The following PLCB3 variants were observed in gnomAD, a reference collection of about 807,000 sequenced individuals.
PLCB3 encodes 1-phosphatidylinositol 4,5-bisphosphate phosphodiesterase beta-3.
Under a neutral mutation model 152.1 loss-of-function variants are expected in PLCB3, and 54 were observed. The ratio of observed to expected loss-of-function variants is 0.36; its 90% CI spans 0.29 to 0.45. The LOEUF is 0.45. Among genes scored for constraint, PLCB3 ranks in the 20% least tolerant of loss-of-function variants. PLCB3 has a pLI of 1.00. For missense variants in PLCB3, 1,248 were observed against 1,687.5 expected (o/e 0.74, Z 4.56); for synonymous variants, 717 against 698.7 (o/e 1.03, Z -0.41).
chr11:64,268,221 G>A (rs896990988), downstream of PLCB3, among the ~76,000 whole-genome samples: 4 of 152,114 alleles, frequency 2.6e-5, no homozygotes, highest in Non-Finnish European at 4.4e-5. Context: ...TCCCTGCCCC[G>A]CTTCCTGTGG....
At chr11:64,268,219 C>T (rs569325000), downstream of PLCB3, among the ~76,000 whole-genome samples, 1 of 152,334 alleles carries the variant, frequency 6.6e-6, no homozygotes, top group Non-Finnish European at 1.5e-5. Flanking sequence ...CTTCCCTGCC[C>T]CGCTTCCTGT....
In PLCB3 at chr11:64,251,849, G is replaced by T. The variant is rs1369402516; in HGVS notation, c.99+101G>T. ...CACCCCAGCCTCGCCTGCCCGTGGCGCCACCCTCATCCCAGTCTGGCGGCG... is the reference window on the plus strand; with the variant it reads ...CACCCCAGCCTCGCCTGCCCGTGGCTCCACCCTCATCCCAGTCTGGCGGCG... On this transcript the variant is annotated intron_variant, in intron 1 of 30. Transcript: ENST00000279230. 11 of 617,796 alleles carry T rather than the reference G, an allele frequency of 1.8e-5. No individual in the cohort carries two copies. The Admixed American group carries it at 3.5e-4, about 20-fold the overall frequency. The allele number at this position is 617,796 out of a possible 1,614,324, so 38.3% of individuals were successfully genotyped here. A position where few individuals can be genotyped will look rare whatever the true frequency, so the allele number is the denominator to read the frequency against.
rs778292336 is a variant in PLCB3 at position 64,260,167 on chromosome 11, G to A, written c.1664G>A (p.Arg555His). 6.2e-6 allele frequency: 10 copies of A among 1,607,800 alleles called. No individual in the cohort carries two copies. The highest frequency in any genetic ancestry group is 2.2e-5 in the South Asian group (2 of 90,086). Residue 555 changes from arginine to histidine, a missense_variant, in exon 14 of 31, where the codon CGT becomes CAT. Transcript: ENST00000279230. ...RGPYVLGPAD[R>H]EDEEEDEEEE... ...CCCTATGTTCTTGGACCTGCTGACC[G>A]TGAGGATGAGGAGGAAGATGAGGAA...
In PLCB3 at chr11:64,258,198, G is replaced by A. The variant is rs1461169483; in HGVS notation, c.1013-275G>A. Among the ~76,000 whole-genome samples the A allele has an allele frequency of 3.9e-5, 6 of 152,096 alleles. No homozygotes were observed. The highest frequency in any genetic ancestry group is 8.8e-5 in the Non-Finnish European group (6 of 68,006). ...ATTGGATTGGAGGCAGGGAGGGCTG[G>A]AGTCTTCCACACAGGAGGTGGTGTG... On this transcript the variant is annotated intron_variant, in intron 10 of 30. Transcript: ENST00000279230. The surrounding 1 kb of genome is among the most constrained non-coding windows in gnomAD (Gnocchi z 7.2).
At chr11:64,261,845 A>T in intron 16 of PLCB3, 107 bp from the exon 17 acceptor site, 2 of 1,541,460 alleles carry the variant, frequency 1.3e-6, no homozygotes, top group South Asian at 2.3e-5. Context: ...CTAGGCTAAG[A>T]AACAGAGGCC....
rs1045333166 is a variant in PLCB3, at chr11:64,261,664, G to A, written c.1912G>A (p.Glu638Lys). 36 of 1,613,506 alleles carry A rather than the reference G, an allele frequency of 2.2e-5. No individual in the cohort carries two copies. Among genetic ancestry groups the A allele is most frequent in the African/African-American group, 5.3e-5 (4 of 74,924 alleles). The change falls in exon 16 of 31, where the codon GAA becomes AAA. Residue 638 changes from glutamate to lysine, a missense_variant and splice_region_variant. Glu to Lys is a moderately conservative substitution (Grantham distance 56). Coordinates refer to ENST00000279230, the MANE Select transcript of PLCB3 (RefSeq NM_000932.5). The part of the protein sequence containing the change: ...QLTKSPMEFV[E>K]YNKQQLSRIY... The stretch of plus-strand genomic sequence containing the variant: ...GACCAAGAGCCCCATGGAGTTTGTG[G>A]AGTATCCTTTGAAGGTGCTGTGGGC...
chr11:64,264,963 C>T lies in PLCB3; in HGVS notation c.2665C>T (p.Gln889Ter). The T allele has an allele frequency of 6.2e-7, 1 of 1,613,136 alleles. No homozygotes were observed. The highest frequency in any genetic ancestry group is 8.5e-7 in the Non-Finnish European group (1 of 1,179,880). ...TTTCTCCCTATAGGCTCAGGCTGGC[C>T]AAGAGACGTGCCAGGACACCCAGTC... ...LIGESEAQAGQETCQDTQSQQ... is the reference protein window; with the variant it reads ...LIGESEAQAG Residue 889 changes from glutamine (Q) to a stop codon, truncating the protein, a stop_gained, in exon 23 of 31, where the codon CAA becomes TAA. Coordinates refer to ENST00000279230, the MANE Select transcript of PLCB3 (RefSeq NM_000932.5). LOFTEE classifies it high-confidence loss of function.
intron 10 of PLCB3, among the ~76,000 whole-genome samples, chr11:64,257,390 A>C (rs567702769): frequency 2.0e-4 from 30 of 152,242 alleles, no homozygotes; most frequent in African/African-American, 7.2e-4. Flanking sequence ...TGAAGCAGGC[A>C]GATTACTTGA....
intron 2 of PLCB3, 45 bp from the exon 3 acceptor site, chr11:64,254,703 G>T: frequency 6.3e-7 from 1 of 1,594,416 alleles, no homozygotes; most frequent in East Asian, 2.2e-5. Context: ...CCTGGCTATT[G>T]CCCTGCAGCC....
In PLCB3 at chr11:64,262,643, C is replaced by T. The variant is rs146307684; in HGVS notation, c.2194-4C>T. On this transcript the variant is annotated splice_region_variant and splice_polypyrimidine_tract_variant and intron_variant, in intron 18 of 30. Coordinates refer to ENST00000279230, the MANE Select transcript of PLCB3 (RefSeq NM_000932.5). ...CCGCCTCACCCTCCTTGGCCCACCCCCAGGTGATCTCAGGGCAGTTCCTGT... is the reference window on the plus strand; with the variant it reads ...CCGCCTCACCCTCCTTGGCCCACCCTCAGGTGATCTCAGGGCAGTTCCTGT... The T allele has an allele frequency of 1.2e-6, 2 of 1,613,870 alleles. No homozygotes were observed. Among genetic ancestry groups the T allele is most frequent in the East Asian group, 4.5e-5 (2 of 44,874 alleles).
chr11:64,253,522 C>CATCTCAACATGAGGTGG (rs2031347721), intron 1 of PLCB3, among the ~76,000 whole-genome samples: 1 of 152,186 alleles, frequency 6.6e-6, no homozygotes, highest in Admixed American at 6.5e-5. Context: ...TTGGGGGTGG[C>CATCTCAACATGAGGTGG]ACCCAACATG....
intron 1 of PLCB3, among the ~76,000 whole-genome samples, chr11:64,252,026 C>A (rs771158842): frequency 6.6e-6 from 1 of 151,960 alleles, no homozygotes; most frequent in African/African-American, 2.4e-5. Context: ...ATTCGTTCTT[C>A]CCACCGCTCC....
rs1206750572 is a variant in PLCB3 at position 64,259,234 on chromosome 11, C to T, written c.1515C>T (p.Ser505=). The change falls in exon 13 of 31, where the codon TCC becomes TCT. Residue 505 remains serine (S), a synonymous_variant. Coordinates refer to ENST00000279230, the MANE Select transcript of PLCB3 (RefSeq NM_000932.5). ...GCTCCGCGGCCACCGAGCCCTCCTC[C>T]CCGCAGCTGGGTAGGCCCCAGCCCG... is the stretch of plus-strand genomic sequence containing the variant. The part of the protein sequence containing the change: ...SESSAATEPS[S]PQLGSPSSDS... The T allele has an allele frequency of 1.3e-5, 20 of 1,539,506 alleles. No homozygotes were observed. In the East Asian group the frequency reaches 3.1e-4, roughly 24 times the overall value.
chr11:64,269,423 C>T (rs551854786), downstream of PLCB3, among the ~76,000 whole-genome samples: 4 of 152,374 alleles, frequency 2.6e-5, no homozygotes, highest in East Asian at 5.8e-4. Context: ...CGGGTCCCCG[C>T]ATGAAGCCTC....
At position 64,263,889 on chromosome 11, in the gene PLCB3, GACTGAGTAGGGA is replaced by G. The variant is rs987283586; in HGVS notation, c.2560+109_2561-106del. ...GGGAGTGGCCGAGCTGGATGGCCCCGACTGAGTAGGGAACTGAGTAGGGAACAGATCTGAGGA... is the reference window on the plus strand; with the variant it reads ...GGGAGTGGCCGAGCTGGATGGCCCCGACTGAGTAGGGAACAGATCTGAGGA... On this transcript the variant is annotated intron_variant, in intron 21 of 30. Transcript: ENST00000279230. The G allele has an allele frequency of 1.1e-4, 137 of 1,205,546 alleles. No homozygotes were observed. In the African/African-American group the frequency reaches 1.2e-3, roughly 11 times the overall value. The allele number at this position is 1,205,546 out of a possible 1,614,324, so 74.7% of individuals were successfully genotyped here.
chr11:64,251,964 C>T (rs1448184788), intron 1 of PLCB3, among the ~76,000 whole-genome samples: 2 of 151,912 alleles, frequency 1.3e-5, no homozygotes, highest in Admixed American at 6.5e-5. Flanking sequence ...TTTGCCTCCA[C>T]TCCTTGGCGC....
In PLCB3 at chr11:64,263,851, A is replaced by AC. The variant is rs1366615784; in HGVS notation, c.2560+61dup. ...CCAGGGAGTGTGAGGGACAAGGGCC[A>AC]CCCCCAGGGCCTGGGAGTGGCCGAG... On this transcript the variant is annotated intron_variant, in intron 21 of 30. Coordinates refer to ENST00000279230, the MANE Select transcript of PLCB3 (RefSeq NM_000932.5). 7 of 1,453,344 alleles carry AC rather than the reference A, an allele frequency of 4.8e-6. No homozygotes were observed. The East Asian group carries it at 1.6e-4, about 33-fold the overall frequency. The allele number at this position is 1,453,344 out of a possible 1,614,324, so 90.0% of individuals were successfully genotyped here. A position where few individuals can be genotyped will look rare whatever the true frequency, so the allele number is the denominator to read the frequency against.
chr11:64,251,826 C>A, intron 1 of PLCB3, 78 bp downstream of exon 1: 1 of 856,816 alleles, frequency 1.2e-6, no homozygotes, highest in Non-Finnish European at 1.6e-6. Context: ...GGGACCCCCA[C>A]CCCAGCCTCG....
chr11:64,265,215 A>G lies in PLCB3; in HGVS notation c.2830A>G (p.Ser944Gly). The part of the protein sequence containing the change: ...SPGQRDDLIA[S>G]ILSEVAPTPL... ...AGGGCAGCGTGATGATCTCATCGCC[A>G]GCATCCTCTCAGGTAGGGGGCGGGG... Residue 944 changes from serine to glycine, a missense_variant, in exon 24 of 31, where the codon AGC (serine) becomes GGC (glycine). By Grantham distance (56) the Ser-to-Gly change is moderately conservative. Transcript: ENST00000279230. 3.1e-6 allele frequency: 5 copies of G among 1,600,182 alleles called. No homozygotes were observed. The African/African-American group carries it at 4.0e-5, about 13-fold the overall frequency.
Sources: gnomAD v4.1 joint callset for allele counts (sites outside exome capture counted in the v4.1 genomes callset) on GRCh38, gnomAD v4.1.1 for gene constraint, Gnocchi (gnomAD v3.1) non-coding constraint, MANE v1.5 for transcripts, NCBI Gene and HGNC (gene_info 2026-07-23, HGNC 2026-07-21) for gene names.